Variants in TFEB observed in about 807,000 individuals in gnomAD.
TFEB encodes the protein T-cell transcription factor EB.
In TFEB, 12 loss-of-function variants were observed where a neutral mutation model predicts 48.0. The ratio of observed to expected loss-of-function variants is 0.25; its 90% CI spans 0.16 to 0.40. The LOEUF is 0.40. Ranked by LOEUF, TFEB falls within the 10% of genes least tolerant of loss-of-function variation. TFEB has a pLI of 1.00. For synonymous variants in TFEB, 244 were observed against 261.4 expected (o/e 0.93, Z 0.64); for missense variants, 509 against 640.3 (o/e 0.79, Z 2.21).
At chr6:41,685,193 A>C in intron 8 of TFEB, 115 bp from the exon 9 acceptor site, 1 of 1,274,008 alleles carries the variant, frequency 7.8e-7, no homozygotes, top group Non-Finnish European at 1.0e-6. Flanking sequence ...CCCAAGACCC[A>C]AAGTGTTTCC....
intron 1 of TFEB, among the ~76,000 whole-genome samples, chr6:41,729,573 G>T (rs1189180855): frequency 6.6e-6 from 1 of 152,196 alleles, no homozygotes; most frequent in African/African-American, 2.4e-5. Flanking sequence ...AGCAGCTTCA[G>T]ACCCTGACGC....
chr6:41,736,192 C>G, upstream of TFEB: 4 of 1,612,888 alleles, frequency 2.5e-6, no homozygotes, highest in African/African-American at 1.3e-5. Context: ...TGTCTGAGCT[C>G]CTTTCATGTC....
At chr6:41,687,237 AC>A in intron 6 of TFEB, 68 bp from the exon 7 acceptor site, 3 of 1,517,906 alleles carry the variant, frequency 2.0e-6, no homozygotes, top group Non-Finnish European at 1.8e-6. Flanking sequence ...GGGGAGAAGT[AC>A]CCAGCCCAGG....
chr6:41,691,058 G>A lies in TFEB; in HGVS notation c.156C>T (p.Ala52=). 6.4e-7 allele frequency: 1 copy of A among 1,570,780 alleles called. No individual in the cohort carries two copies. Among genetic ancestry groups the A allele is most frequent in the Non-Finnish European group, 8.6e-7 (1 of 1,156,974 alleles). Residue 52 remains alanine (A), a synonymous_variant, in exon 2 of 9, where the codon GCC becomes GCT. Coordinates refer to ENST00000373033, the MANE Select transcript of TFEB (RefSeq NM_001271944.2). This position sits in a 1 kb window ranked among gnomAD's most constrained non-coding sequence, Gnocchi z 5.2. The part of the protein sequence containing the change: ...QQQLGGPPTP[A]INTPVHFQSP... ...ACTGGAAGTGGACGGGGGTATTGAT[G>A]GCCGGGGTGGGCGGCCCTCCGAGCT...
chr6:41,692,635 G>C (rs1282754431), intron 1 of TFEB, among the ~76,000 whole-genome samples: 3 of 152,216 alleles, frequency 2.0e-5, no homozygotes, highest in African/African-American at 4.8e-5. Context: ...ACTGACCCTA[G>C]GTAAGTGACC....
At chr6:41,716,849 C>A (rs1038230232) in intron 1 of TFEB, among the ~76,000 whole-genome samples, 1 of 152,222 alleles carries the variant, frequency 6.6e-6, no homozygotes. Flanking sequence ...GCCTGGCCTA[C>A]CCCCTGGCCC....
chr6:41,709,617 G>C (rs1770392662), intron 1 of TFEB, among the ~76,000 whole-genome samples: 1 of 151,876 alleles, frequency 6.6e-6, no homozygotes. Flanking sequence ...TGAAAAGGTG[G>C]ATATAATGGT....
chr6:41,689,474 C>A (rs941210854), intron 4 of TFEB, among the ~76,000 whole-genome samples: 11 of 152,346 alleles, frequency 7.2e-5, no homozygotes, highest in Middle Eastern at 3.4e-3. Context: ...CCCCCACAGG[C>A]CCACTCCGTG....
At chr6:41,735,190 G>T in intron 1 of TFEB, 160 bp downstream of exon 1, 1 of 899,604 alleles carries the variant, frequency 1.1e-6, no homozygotes, top group Non-Finnish European at 1.3e-6. Flanking sequence ...GGGGGCGGAC[G>T]GACTGCGGGT....
chr6:41,736,208 C>G (rs1190723516), upstream of TFEB: 3 of 1,612,792 alleles, frequency 1.9e-6, no homozygotes, highest in Non-Finnish European at 2.5e-6. Flanking sequence ...ATGTCACCTT[C>G]CCTTGTTGGA....
At chr6:41,727,332 T>C (rs556696714) in intron 1 of TFEB, among the ~76,000 whole-genome samples, 2 of 152,062 alleles carry the variant, frequency 1.3e-5, no homozygotes, top group Admixed American at 1.3e-4. Context: ...AGAGAGATAG[T>C]CCAAGGCTGC....
rs1041666440 is a variant in TFEB, at chr6:41,734,293, G to A, written c.-23+1057C>T. 43 of 968,384 alleles carry A rather than the reference G, an allele frequency of 4.4e-5. No individual in the cohort carries two copies. The highest frequency in any genetic ancestry group is 8.8e-5 in the African/African-American group (5 of 56,900). The allele number at this position is 968,384 out of a possible 1,614,324, so 60.0% of individuals were successfully genotyped here. On this transcript the variant is annotated intron_variant, in intron 1 of 8. Coordinates refer to ENST00000373033, the MANE Select transcript of TFEB (RefSeq NM_001271944.2). This position sits in a 1 kb window ranked among gnomAD's most constrained non-coding sequence, Gnocchi z 4.0. ...GGTTCGCGCAGACAAGCCCCGCCCC[G>A]GGCTCCCTCCCTTCCTCACCCGGGG...
rs1769295118 is a variant in TFEB, at chr6:41,691,201, T to C, written c.13A>G (p.Ile5Val). The C allele has an allele frequency of 6.3e-7, 1 of 1,586,174 alleles. No individual in the cohort carries two copies. Among genetic ancestry groups the C allele is most frequent in the Non-Finnish European group, 8.6e-7 (1 of 1,163,694 alleles). The change falls in exon 2 of 9, where the codon ATA becomes GTA. Residue 5 changes from isoleucine (I) to valine (V), a missense_variant. Transcript: ENST00000373033. This position sits in a 1 kb window ranked among gnomAD's most constrained non-coding sequence, Gnocchi z 5.2. The stretch of plus-strand genomic sequence containing the variant: ...CGCATGAGCTGCATGCGCAACCCTA[T>C]GCGTGACGCCATGGTGGCTGCCGGC... Reference protein sequence around the residue: MASRIGLRMQLMREQ... With the variant: MASRVGLRMQLMREQ...
At position 41,689,570 on chromosome 6, in the gene TFEB, G is replaced by A. The variant is rs186105649; in HGVS notation, c.549+161C>T. Among the ~76,000 whole-genome samples the A allele has an allele frequency of 4.4e-3, 670 of 152,142 alleles. 7 individuals are homozygous for A. The highest frequency in any genetic ancestry group is 0.034 in the Middle Eastern group (10 of 294). ...TTGCTTCATAATTCCTCTTGGCCCC[G>A]GCCTTTGTCACATTATTTAATGAAA... is the stretch of plus-strand genomic sequence containing the variant. On this transcript the variant is annotated intron_variant, in intron 4 of 8. Transcript: ENST00000373033.
At chr6:41,689,875 T>G in intron 3 of TFEB, 64 bp from the exon 4 acceptor site, 1 of 1,351,652 alleles carries the variant, frequency 7.4e-7, no homozygotes, top group Non-Finnish European at 1.1e-6. Context: ...AAAGAGGCAT[T>G]GGGACAACCA....
intron 1 of TFEB, among the ~76,000 whole-genome samples, chr6:41,715,113 C>T (rs1264156356): frequency 6.6e-6 from 1 of 152,144 alleles, no homozygotes; most frequent in Non-Finnish European, 1.5e-5. Context: ...CAACCAGGGC[C>T]TCCCCCACGC....
intron 1 of TFEB, among the ~76,000 whole-genome samples, chr6:41,698,406 C>T (rs1041182054): frequency 2.6e-5 from 4 of 152,280 alleles, no homozygotes; most frequent in Middle Eastern, 3.4e-3. Flanking sequence ...CTCGTTCATC[C>T]AGCCCAGGAG....
At chr6:41,706,955 G>A (rs1286511916) in intron 1 of TFEB, among the ~76,000 whole-genome samples, 1 of 152,116 alleles carries the variant, frequency 6.6e-6, no homozygotes, top group Non-Finnish European at 1.5e-5. Context: ...GGGGTGTGTT[G>A]AACTCTGCAT....
chr6:41,688,174 A>G (rs1035482792), intron 4 of TFEB, 146 bp from the exon 5 acceptor site: 44 of 970,424 alleles, frequency 4.5e-5, no homozygotes, highest in Non-Finnish European at 5.9e-5. Flanking sequence ...CAGCAATTCA[A>G]CCTGAAGGTC....
Sources: gnomAD v4.1 joint callset for allele counts (sites outside exome capture counted in the v4.1 genomes callset) on GRCh38, gnomAD v4.1.1 for gene constraint, Gnocchi (gnomAD v3.1) non-coding constraint, MANE v1.5 for transcripts, NCBI Gene and HGNC (gene_info 2026-07-23, HGNC 2026-07-21) for gene names.